Variants in CNTNAP2 observed in about 807,000 individuals in gnomAD.
CNTNAP2 encodes contactin associated protein 2, also known as contactin-associated protein-like 2.
Under a neutral mutation model 155.2 loss-of-function variants are expected in CNTNAP2, and 98 were observed. The observed-to-expected ratio is 0.63, with a 90% CI of 0.54 to 0.75. CNTNAP2 has a LOEUF of 0.75. Among genes scored for constraint, CNTNAP2 ranks in the 30% least tolerant of loss-of-function variants. CNTNAP2 has a pLI of 0.00. For missense variants in CNTNAP2, 1,727 were observed against 1,688.1 expected (o/e 1.02, Z -0.40); for synonymous variants, 651 against 631.2 (o/e 1.03, Z -0.47).
intron 10 of CNTNAP2, among the ~76,000 whole-genome samples, chr7:147,467,799 G>A (rs894403871): frequency 6.6e-6 from 1 of 152,180 alleles, no homozygotes; most frequent in African/African-American, 2.4e-5. Context: ...GGAGGCCAAG[G>A]TGGGAGAATT....
intron 14 of CNTNAP2, among the ~76,000 whole-genome samples, chr7:147,965,911 G>A (rs1585052274): frequency 2.0e-5 from 3 of 152,096 alleles, no homozygotes; most frequent in East Asian, 1.9e-4. Context: ...ACGTCCCACA[G>A]CATCTTCGAG....
chr7:148,201,583 C>T (rs1397937261), intron 18 of CNTNAP2, among the ~76,000 whole-genome samples: 3 of 152,132 alleles, frequency 2.0e-5, no homozygotes, highest in African/African-American at 7.2e-5. Flanking sequence ...CATGGGAAGA[C>T]TCAAATAGTT....
chr7:146,604,691 T>C (rs347191), intron 1 of CNTNAP2, among the ~76,000 whole-genome samples: 68,311 of 115,878 alleles, frequency 0.59, 21,104 homozygotes, highest in African/African-American at 0.78. Flanking sequence ...CCAACAATGA[T>C]AGACTGGATG....
At chr7:147,127,028 G>A (rs1252698499) in intron 6 of CNTNAP2, among the ~76,000 whole-genome samples, 1 of 152,062 alleles carries the variant, frequency 6.6e-6, no homozygotes, top group Non-Finnish European at 1.5e-5. Context: ...AGAGGAATAT[G>A]TATTTAATAA....
At chr7:146,741,763 C>G (rs1038163576) in intron 1 of CNTNAP2, among the ~76,000 whole-genome samples, 4 of 151,970 alleles carry the variant, frequency 2.6e-5, no homozygotes, top group African/African-American at 9.7e-5. Flanking sequence ...TTGCATGAGG[C>G]CGCAAGTGCT....
chr7:147,907,370 T>A (rs1485281104), intron 14 of CNTNAP2, among the ~76,000 whole-genome samples: 3 of 152,230 alleles, frequency 2.0e-5, no homozygotes, highest in Non-Finnish European at 4.4e-5. Flanking sequence ...ATGTTTTTTA[T>A]AATAAATAGC....
intron 1 of CNTNAP2, among the ~76,000 whole-genome samples, chr7:146,303,902 A>T (rs531871806): frequency 3.5e-4 from 53 of 152,180 alleles, no homozygotes; most frequent in Middle Eastern, 3.4e-3. Flanking sequence ...GTGAGAGTCT[A>T]AGTCTCTTTG....
chr7:146,163,477 A>C (rs141869685), intron 1 of CNTNAP2, among the ~76,000 whole-genome samples: 3,002 of 146,136 alleles, frequency 0.021, 87 homozygotes, highest in African/African-American at 0.069. Flanking sequence ...ATATATCTAT[A>C]TATATCTATC....
intron 1 of CNTNAP2, among the ~76,000 whole-genome samples, chr7:146,692,300 A>G (rs994366597): frequency 1.3e-4 from 20 of 152,152 alleles, no homozygotes; most frequent in African/African-American, 4.8e-4. Context: ...TTGTATTTGA[A>G]TTGACATTTT....
At chr7:147,995,260 T>C (rs1801781918) in intron 15 of CNTNAP2, among the ~76,000 whole-genome samples, 1 of 152,160 alleles carries the variant, frequency 6.6e-6, no homozygotes, top group Non-Finnish European at 1.5e-5. Context: ...TTCAGCATAG[T>C]GGGGCATTCT....
chr7:146,378,093 G>T (rs191703819), intron 1 of CNTNAP2, among the ~76,000 whole-genome samples: 2 of 151,942 alleles, frequency 1.3e-5, no homozygotes, highest in African/African-American at 4.8e-5. Context: ...CTTACTTATC[G>T]CCACATCAGA....
At chr7:147,598,305 T>A (rs959986274) in intron 12 of CNTNAP2, among the ~76,000 whole-genome samples, 6 of 152,058 alleles carry the variant, frequency 3.9e-5, no homozygotes, top group Non-Finnish European at 5.9e-5. Flanking sequence ...ATGTATTAGG[T>A]ATTTGTCCTA....
At chr7:147,561,705 G>A (rs1215505188) in intron 11 of CNTNAP2, among the ~76,000 whole-genome samples, 1 of 152,170 alleles carries the variant, frequency 6.6e-6, no homozygotes, top group East Asian at 1.9e-4. Flanking sequence ...GTGTATGTGT[G>A]TGTGTGCACA....
chr7:147,062,157 A>C (rs1277797190), intron 4 of CNTNAP2, among the ~76,000 whole-genome samples: 15 of 140,428 alleles, frequency 1.1e-4, no homozygotes, highest in South Asian at 2.2e-4. Flanking sequence ...AAAAAAAAAA[A>C]AAAAAAAAAA....
chr7:146,453,850 A>C (rs1179809605), intron 1 of CNTNAP2, among the ~76,000 whole-genome samples: 1 of 152,190 alleles, frequency 6.6e-6, no homozygotes, highest in Non-Finnish European at 1.5e-5. Flanking sequence ...AACCATTCAA[A>C]AGGAAACACA....
intron 3 of CNTNAP2, among the ~76,000 whole-genome samples, chr7:146,856,297 G>GATAGATAGATAGATAGATACATACATAC (rs869052895): frequency 8.6e-6 from 1 of 116,652 alleles, no homozygotes; most frequent in African/African-American, 3.3e-5. Context: ...TAGATAGATA[G>GATAGATAGATAGATAGATACATACATAC]ATACATACAT....
At chr7:146,347,697 T>C (rs1412848306) in intron 1 of CNTNAP2, among the ~76,000 whole-genome samples, 1 of 152,046 alleles carries the variant, frequency 6.6e-6, no homozygotes, top group Non-Finnish European at 1.5e-5. Context: ...TCCCAAATAG[T>C]TGGGATTACA....
chr7:147,233,317 G>A (rs892495893), intron 8 of CNTNAP2, among the ~76,000 whole-genome samples: 4 of 152,216 alleles, frequency 2.6e-5, no homozygotes, highest in African/African-American at 7.2e-5. Flanking sequence ...TCACCTGTGC[G>A]CAGCTGCTGC....
chr7:146,353,901 G>A (rs1402802398), intron 1 of CNTNAP2, among the ~76,000 whole-genome samples: 3 of 152,084 alleles, frequency 2.0e-5, no homozygotes, highest in African/African-American at 7.2e-5. Flanking sequence ...TACAATTTAA[G>A]TTTATAATGC....
Sources: gnomAD v4.1 joint callset for allele counts (sites outside exome capture counted in the v4.1 genomes callset) on GRCh38, gnomAD v4.1.1 for gene constraint, MANE v1.5 for transcripts, NCBI Gene and HGNC (gene_info 2026-07-23, HGNC 2026-07-21) for gene names.